Variants in RBFOX3 observed in about 807,000 individuals in gnomAD.
The protein encoded by RBFOX3 is RNA binding fox-1 homolog 3, also known as RNA binding protein fox-1 homolog 3.
In RBFOX3, 17 loss-of-function variants were observed where a neutral mutation model predicts 48.7. The observed-to-expected ratio is 0.35, with a 90% CI of 0.24 to 0.52. The LOEUF (loss-of-function observed/expected upper bound fraction) is 0.52. Among genes scored for constraint, RBFOX3 ranks in the 20% least tolerant of loss-of-function variants. The probability of loss-of-function intolerance (pLI) is 0.94; values close to 1 mark genes in which losing one functional copy is unlikely to be tolerated. For synonymous variants in RBFOX3, 212 were observed against 209.5 expected (o/e 1.01, Z -0.10); for missense variants, 382 against 497.5 (o/e 0.77, Z 2.21).
At chr17:79,194,972 C>G (rs992230058) in intron 4 of RBFOX3, among the ~76,000 whole-genome samples, 1 of 151,990 alleles carries the variant, frequency 6.6e-6, no homozygotes, top group Non-Finnish European at 1.5e-5. Context: ...CCATGTGTGG[C>G]CTGCATTATG....
intron 3 of RBFOX3, among the ~76,000 whole-genome samples, chr17:79,240,305 C>T (rs74583336): frequency 0.017 from 2,514 of 152,314 alleles, 77 homozygotes; most frequent in African/African-American, 0.058. Context: ...AAAAACCGCT[C>T]ATGTCAAAAT....
rs74002536 is a variant in RBFOX3 at position 79,548,800 on chromosome 17, A to G, written c.-320+62026T>C. Among the ~76,000 whole-genome samples, 700 of 152,306 alleles carry G rather than the reference A, an allele frequency of 4.6e-3. 6 individuals carry two copies. Among genetic ancestry groups the G allele is most frequent in the African/African-American group, 0.016 (664 of 41,580 alleles). ...GTGCCTGCTTCAGGACCCGGCATAC[A>G]AGTGCTCGAAAAATACCTGCAGAAT... On this transcript the variant is annotated intron_variant, in intron 1 of 14. Transcript: ENST00000693108.
At chr17:79,404,074 G>A (rs906417098) in intron 2 of RBFOX3, among the ~76,000 whole-genome samples, 1 of 152,120 alleles carries the variant, frequency 6.6e-6, no homozygotes, top group African/African-American at 2.4e-5. Context: ...CACCACACCC[G>A]GCCCAGGATG....
chr17:79,280,841 T>TGGGGG (rs34734841), intron 3 of RBFOX3, among the ~76,000 whole-genome samples: 35 of 100,918 alleles, frequency 3.5e-4, no homozygotes, highest in Non-Finnish European at 4.1e-4. Context: ...TGTCCCATTG[T>TGGGGG]GGGGGGGGGG....
the RBFOX3 span, among the ~76,000 whole-genome samples, chr17:79,658,966 G>A: frequency 1.3e-5 from 2 of 152,172 alleles, no homozygotes; most frequent in Non-Finnish European, 2.9e-5. Context: ...ATAGGTTTGC[G>A]GAAAGGTTTG....
intron 3 of RBFOX3, among the ~76,000 whole-genome samples, chr17:79,251,503 CTT>C (rs1353456858): frequency 6.6e-6 from 1 of 152,204 alleles, no homozygotes; most frequent in African/African-American, 2.4e-5. Context: ...TTCCCCCTCC[CTT>C]GTCTCCAGTG....
intron 2 of RBFOX3, among the ~76,000 whole-genome samples, chr17:79,334,874 C>G (rs930423095): frequency 1.3e-5 from 2 of 152,246 alleles, no homozygotes; most frequent in African/African-American, 4.8e-5. Context: ...GTCTCACCCC[C>G]CAACCAGCCC....
intron 4 of RBFOX3, among the ~76,000 whole-genome samples, chr17:79,138,947 C>CCCACACATGCACACAGCACATGCGT (rs2041241535): frequency 1.1e-5 from 1 of 87,982 alleles, no homozygotes; most frequent in African/African-American, 4.0e-5. Flanking sequence ...TCACACCCCC[C>CCCACACATGCACACAGCACATGCGT]TCAGCCCCAC....
chr17:79,285,079 G>A (rs2071545645), intron 3 of RBFOX3, among the ~76,000 whole-genome samples: 1 of 152,208 alleles, frequency 6.6e-6, no homozygotes, highest in Admixed American at 6.5e-5. Context: ...CACAAAATGG[G>A]AGTGGTGCTA....
rs1422903316 is a variant in RBFOX3, at chr17:79,479,699, C to A, written c.-175+2755G>T. ...GGTCTTGTACTTTCACTGTTGATGA[C>A]CCCGAGGATTTACCTATTTGGGGGA... On this transcript the variant is annotated intron_variant, in intron 2 of 14. Coordinates refer to ENST00000693108, the MANE Select transcript of RBFOX3 (RefSeq NM_001350451.2). The surrounding 1 kb of genome is among the most constrained non-coding windows in gnomAD (Gnocchi z 5.1). Among the ~76,000 whole-genome samples the A allele has an allele frequency of 1.3e-5, 2 of 152,202 alleles. No homozygotes were observed. Among genetic ancestry groups the A allele is most frequent in the Non-Finnish European group, 2.9e-5 (2 of 68,040 alleles).
Position 79,262,282 on chromosome 17 carries a change from C to T in RBFOX3, c.-73-26477G>A, listed in dbSNP as rs185850634. Among the ~76,000 whole-genome samples, 229 of 152,320 alleles carry T rather than the reference C, an allele frequency of 1.5e-3. 1 individual carries two copies. Among genetic ancestry groups the T allele is most frequent in the Middle Eastern group, 0.014 (4 of 294 alleles). On this transcript the variant is annotated intron_variant, in intron 3 of 14. Transcript: ENST00000693108. Reference sequence around the variant, plus strand: ...CAGAGCTCTGCAGCCAGGGGCAAGTCCCGCAGCCATGGGGGGCCCCGGACA... The same window carrying T: ...CAGAGCTCTGCAGCCAGGGGCAAGTTCCGCAGCCATGGGGGGCCCCGGACA...
Position 79,311,205 on chromosome 17 carries a change from G to GA in RBFOX3, c.-174-3382_-174-3381insT, listed in dbSNP as rs999943375. Among the ~76,000 whole-genome samples the GA allele has an allele frequency of 3.9e-5, 6 of 152,222 alleles. No homozygotes were observed. Among genetic ancestry groups the GA allele is most frequent in the African/African-American group, 1.4e-4 (6 of 41,542 alleles). On this transcript the variant is annotated intron_variant, in intron 2 of 14. Coordinates refer to ENST00000693108, the MANE Select transcript of RBFOX3 (RefSeq NM_001350451.2). This position sits in a 1 kb window ranked among gnomAD's most constrained non-coding sequence, Gnocchi z 4.2. Reference sequence around the variant, plus strand: ...CCCAGCACTTTGGGAGGCCGAGGCGGGTAGATCACCTGAGGTCAGGAGTTC... The same window carrying GA: ...CCCAGCACTTTGGGAGGCCGAGGCGGAGTAGATCACCTGAGGTCAGGAGTTC...
chr17:79,358,456 TTTTC>T (rs760626918), intron 2 of RBFOX3, among the ~76,000 whole-genome samples: 4 of 152,144 alleles, frequency 2.6e-5, no homozygotes, highest in African/African-American at 7.2e-5. Context: ...CTCATTTTTC[TTTTC>T]TTTCTTTTTC....
intron 4 of RBFOX3, among the ~76,000 whole-genome samples, chr17:79,170,251 C>T (rs888817804): frequency 1.3e-5 from 2 of 151,474 alleles, no homozygotes; most frequent in African/African-American, 4.9e-5. Flanking sequence ...CGGAGAACAA[C>T]AGGTTAACGG....
At chr17:79,350,390 C>T (rs1192396246) in intron 2 of RBFOX3, among the ~76,000 whole-genome samples, 1 of 152,240 alleles carries the variant, frequency 6.6e-6, no homozygotes, top group Non-Finnish European at 1.5e-5. Flanking sequence ...GGTCTCCCTT[C>T]TCCTGGGGGG....
At chr17:79,244,430 A>AG (rs1222363034) in intron 3 of RBFOX3, among the ~76,000 whole-genome samples, 5 of 152,168 alleles carry the variant, frequency 3.3e-5, no homozygotes, top group African/African-American at 1.2e-4. Flanking sequence ...CTGTTGTATG[A>AG]AGCCTCCCAG....
intron 3 of RBFOX3, among the ~76,000 whole-genome samples, chr17:79,260,479 C>A (rs1271216755): frequency 9.2e-5 from 14 of 152,222 alleles, no homozygotes; most frequent in Admixed American, 9.2e-4. Context: ...CCAGAAAGAG[C>A]CACGAGGTGC....
chr17:79,115,685 G>C lies in RBFOX3; in HGVS notation c.31C>G (p.Pro11Ala). MAQPYPPAQY[P>A]PPPQNGIPAE... ...GGGATGCCGTTCTGTGGCGGAGGGG[G>C]GTACTGGGCGGGGGGGTAGGGCTGG... The change falls in exon 5 of 15, where the codon CCC (proline) becomes GCC (alanine). Residue 11 changes from proline to alanine, a missense_variant. By Grantham distance (27) the Pro-to-Ala change is conservative. Coordinates refer to ENST00000693108, the MANE Select transcript of RBFOX3 (RefSeq NM_001350451.2). The C allele has an allele frequency of 1.7e-6, 1 of 574,778 alleles. No individual in the cohort carries two copies. The highest frequency in any genetic ancestry group is 1.8e-5 in the South Asian group (1 of 55,028). The allele number at this position is 574,778 out of a possible 1,614,324, so 35.6% of individuals were successfully genotyped here.
intron 2 of RBFOX3, among the ~76,000 whole-genome samples, chr17:79,476,915 G>T (rs1598861401): frequency 6.6e-6 from 1 of 151,906 alleles, no homozygotes; most frequent in South Asian, 2.1e-4. Flanking sequence ...AGAGGAGAAA[G>T]AGGAAAAGGA....
Sources: gnomAD v4.1 joint callset for allele counts (sites outside exome capture counted in the v4.1 genomes callset) on GRCh38, gnomAD v4.1.1 for gene constraint, Gnocchi (gnomAD v3.1) non-coding constraint, MANE v1.5 for transcripts, NCBI Gene and HGNC (gene_info 2026-07-23, HGNC 2026-07-21) for gene names.